AGMO: variants seen among roughly 807,000 people sequenced by gnomAD.
The protein encoded by AGMO is alkylglycerol monooxygenase, also known as glyceryl-ether monooxygenase.
A neutral mutation model predicts 60.2 loss-of-function variants in AGMO; 75 were observed. The observed-to-expected ratio is 1.25, with a 90% CI of 1.03 to 1.51. The LOEUF is 1.51. Among genes scored for constraint, AGMO ranks in the 40% most tolerant of loss-of-function variants. The pLI, the probability that AGMO is intolerant of heterozygous loss-of-function variation, is 0.00. For synonymous variants in AGMO, 261 were observed against 177.1 expected, an observed-to-expected ratio of 1.47 and a Z score of -3.76; for missense variants, 763 against 525.5, an observed-to-expected ratio of 1.45 and a Z score of -4.42.
intron 12 of AGMO, among the ~76,000 whole-genome samples, chr7:15,348,931 A>G (rs1241445639): frequency 6.6e-6 from 1 of 152,138 alleles, no homozygotes; most frequent in Non-Finnish European, 1.5e-5. Context: ...ATAGAACCTC[A>G]AAGTTCTTCT....
chr7:15,547,512 A>T lies in AGMO; in HGVS notation c.258-2589T>A, dbSNP rs527975050. Among the ~76,000 whole-genome samples the T allele has an allele frequency of 2.0e-5, 3 of 152,268 alleles. No homozygotes were observed. In the East Asian group the frequency reaches 5.8e-4, roughly 30 times the overall value. On this transcript the variant is annotated intron_variant, in intron 2 of 12. Coordinates refer to ENST00000342526, the MANE Select transcript of AGMO (RefSeq NM_001004320.2). ...AGGCATTGCCTCACTCGGGAAGCGCAAGGGGTCAGGGAGTTCCCTTTCCGA... is the reference window on the plus strand; with the variant it reads ...AGGCATTGCCTCACTCGGGAAGCGCTAGGGGTCAGGGAGTTCCCTTTCCGA...
chr7:15,432,361 T>C lies in AGMO; in HGVS notation c.410-1253A>G, dbSNP rs1039058453. Among the ~76,000 whole-genome samples the C allele has an allele frequency of 1.4e-3, 176 of 123,888 alleles. 2 individuals carry two copies. In the South Asian group the frequency reaches 0.017, roughly 12 times the overall value. 81.3% of individuals were successfully genotyped at this position (123,888 alleles called of 152,430 possible). A position where few individuals can be genotyped will look rare whatever the true frequency, so the allele number is the denominator to read the frequency against. ...ATATATATATACATACATATATATA[T>C]ACACACACATATATATATACACTAT... On this transcript the variant is annotated intron_variant, in intron 3 of 12. Coordinates refer to ENST00000342526, the MANE Select transcript of AGMO (RefSeq NM_001004320.2).
At chr7:15,466,360 G>A (rs981812486) in intron 3 of AGMO, among the ~76,000 whole-genome samples, 3 of 152,000 alleles carry the variant, frequency 2.0e-5, no homozygotes, top group African/African-American at 4.8e-5. Flanking sequence ...GCATTTTTTT[G>A]GTCTAGTGGA....
chr7:15,247,986 G>C (rs1278553257), intron 12 of AGMO, among the ~76,000 whole-genome samples: 1 of 151,236 alleles, frequency 6.6e-6, no homozygotes, highest in Admixed American at 6.6e-5. Flanking sequence ...TAGAGAAACT[G>C]AAGTAAGTGA....
chr7:15,256,799 C>T (rs1285246639), intron 12 of AGMO, among the ~76,000 whole-genome samples: 1 of 152,148 alleles, frequency 6.6e-6, no homozygotes, highest in Non-Finnish European at 1.5e-5. Context: ...GTGTAGTAGG[C>T]TATTCCACCT....
chr7:15,325,641 C>CA (rs1378723165), intron 12 of AGMO, among the ~76,000 whole-genome samples: 1 of 151,796 alleles, frequency 6.6e-6, no homozygotes, highest in Non-Finnish European at 1.5e-5. Flanking sequence ...AAAAATAACT[C>CA]AAAACTTTAA....
At chr7:15,126,963 C>G in the AGMO span, among the ~76,000 whole-genome samples, 1 of 152,202 alleles carries the variant, frequency 6.6e-6, no homozygotes, top group South Asian at 2.1e-4. Flanking sequence ...TATCTTAACC[C>G]AAACATTTCC....
intron 12 of AGMO, among the ~76,000 whole-genome samples, chr7:15,201,593 T>TA (rs1781284707): frequency 6.6e-6 from 1 of 152,174 alleles, no homozygotes; most frequent in Admixed American, 6.5e-5. Flanking sequence ...GCTTGTTTCT[T>TA]ATATTCACAA....
intron 12 of AGMO, among the ~76,000 whole-genome samples, chr7:15,346,906 C>G (rs1391511115): frequency 6.6e-6 from 1 of 151,388 alleles, no homozygotes; most frequent in African/African-American, 2.4e-5. Flanking sequence ...ATTTATTTCT[C>G]ATTCATTCAT....
At chr7:15,349,689 ACTCACAGTT>A (rs1782164974) in intron 12 of AGMO, among the ~76,000 whole-genome samples, 1 of 152,168 alleles carries the variant, frequency 6.6e-6, no homozygotes, top group South Asian at 2.1e-4. Flanking sequence ...GGTTTAATTG[ACTCACAGTT>A]CTGCATGGCT....
intron 12 of AGMO, among the ~76,000 whole-genome samples, chr7:15,341,595 C>T (rs1781850094): frequency 6.6e-6 from 1 of 152,196 alleles, no homozygotes; most frequent in African/African-American, 2.4e-5. Flanking sequence ...GCCTGTTACA[C>T]AGTTCCAAAG....
intron 10 of AGMO, among the ~76,000 whole-genome samples, chr7:15,366,847 T>TG (rs1286372110): frequency 1.3e-5 from 2 of 152,024 alleles, no homozygotes; most frequent in East Asian, 3.9e-4. Flanking sequence ...TATTGGACTT[T>TG]GAGCCAAGGG....
intron 12 of AGMO, among the ~76,000 whole-genome samples, chr7:15,269,734 G>C (rs1037463359): frequency 1.3e-5 from 2 of 151,958 alleles, no homozygotes; most frequent in Admixed American, 1.3e-4. Context: ...GAAACCAATA[G>C]GTAAGGCTTC....
At chr7:15,175,588 T>C in the AGMO span, among the ~76,000 whole-genome samples, 2 of 151,684 alleles carry the variant, frequency 1.3e-5, no homozygotes, top group South Asian at 4.1e-4. Flanking sequence ...TCTTCTTTTG[T>C]TTACATCTCT....
chr7:15,356,693 T>C (rs1265529381), intron 12 of AGMO, among the ~76,000 whole-genome samples: 1 of 151,974 alleles, frequency 6.6e-6, no homozygotes, highest in Non-Finnish European at 1.5e-5. Context: ...GTTTATTTTA[T>C]CTTTTATAAA....
At chr7:15,333,602 TA>T (rs199764355) in intron 12 of AGMO, among the ~76,000 whole-genome samples, 6,831 of 128,152 alleles carry the variant, frequency 0.053, 389 homozygotes, top group East Asian at 0.24. Flanking sequence ...CTACTGAATT[TA>T]AAAAAAAAAA....
intron 3 of AGMO, among the ~76,000 whole-genome samples, chr7:15,443,277 G>A (rs1175129539): frequency 6.6e-6 from 1 of 152,174 alleles, no homozygotes; most frequent in Non-Finnish European, 1.5e-5. Flanking sequence ...TGCGGCCTCA[G>A]AAGCTGTAAA....
chr7:15,325,768 T>C (rs547917226), intron 12 of AGMO, among the ~76,000 whole-genome samples: 4 of 152,304 alleles, frequency 2.6e-5, no homozygotes, highest in African/African-American at 7.2e-5. Flanking sequence ...TTTTGAACCC[T>C]GTATATTAAT....
intron 12 of AGMO, among the ~76,000 whole-genome samples, chr7:15,354,341 C>CGTACGCGTGTATATAG (rs112393143): frequency 8.8e-5 from 3 of 34,058 alleles, no homozygotes; most frequent in African/African-American, 2.8e-4. Flanking sequence ...CGTGTATATA[C>CGTACGCGTGTATATAG]ACGCGTGTAT....
Sources: allele counts gnomAD v4.1 joint callset (sites outside exome capture counted in the v4.1 genomes callset), GRCh38; gene constraint gnomAD v4.1.1; transcripts MANE v1.5; gene names NCBI Gene and HGNC (gene_info 2026-07-23, HGNC 2026-07-21).